Variants in NLGN1 observed in about 807,000 individuals in gnomAD.
NLGN1 encodes neuroligin 1, also known as neuroligin-1.
In NLGN1, 12 loss-of-function variants were observed where a neutral mutation model predicts 65.5. The ratio of observed to expected loss-of-function variants is 0.18; its 90% CI spans 0.12 to 0.30. The LOEUF is 0.30. Ranked by LOEUF, NLGN1 falls within the 10% of genes least tolerant of loss-of-function variation. The pLI is 1.00. For missense variants in NLGN1, 750 were observed against 1,007.1 expected (o/e 0.74, Z 3.46); for synonymous variants, 350 against 359.5 (o/e 0.97, Z 0.30).
chr3:173,740,542 C>T (rs1167014968), intron 3 of NLGN1, among the ~76,000 whole-genome samples: 4 of 151,978 alleles, frequency 2.6e-5, no homozygotes, highest in African/African-American at 9.7e-5. Flanking sequence ...TCCCATACCC[C>T]TGTTCCAAAG....
At chr3:173,570,096 G>C (rs1205874684) in intron 2 of NLGN1, among the ~76,000 whole-genome samples, 1 of 152,162 alleles carries the variant, frequency 6.6e-6, no homozygotes. Context: ...CTTGGGAGTG[G>C]GGGCCAGAAG....
At chr3:173,539,011 T>A (rs1336589034) in intron 2 of NLGN1, among the ~76,000 whole-genome samples, 1 of 151,962 alleles carries the variant, frequency 6.6e-6, no homozygotes, top group Non-Finnish European at 1.5e-5. Context: ...CCTGAGTTAG[T>A]ATATAATCAT....
At chr3:173,454,820 C>T (rs1342808062) in intron 2 of NLGN1, among the ~76,000 whole-genome samples, 2 of 152,100 alleles carry the variant, frequency 1.3e-5, no homozygotes, top group South Asian at 2.1e-4. Context: ...GCTTTTTTAT[C>T]ATTTGTGTGT....
In NLGN1 at chr3:173,451,678, C is replaced by T. The variant is rs1351660674; in HGVS notation, c.-321+16600C>T. The stretch of plus-strand genomic sequence containing the variant: ...CAGAGGTGGAGTCTGCAGAGGCAGG[C>T]AGGCCTCCTTGAGCTGTGGTGAGCT... On this transcript the variant is annotated intron_variant, in intron 2 of 6. Coordinates refer to ENST00000457714, the Ensembl canonical transcript of NLGN1. Among the ~76,000 whole-genome samples the T allele has an allele frequency of 5.3e-5, 8 of 152,310 alleles. No homozygotes were observed. The South Asian group carries it at 1.7e-3, about 32-fold the overall frequency.
intron 4 of NLGN1, among the ~76,000 whole-genome samples, chr3:173,977,103 A>ACACG (rs1553905398): frequency 6.9e-6 from 1 of 145,330 alleles, no homozygotes; most frequent in African/African-American, 2.5e-5. Context: ...ACACACACAC[A>ACACG]CACGCACACA....
intron 4 of NLGN1, among the ~76,000 whole-genome samples, chr3:174,262,523 G>A (rs1381254138): frequency 1.5e-5 from 2 of 131,586 alleles, no homozygotes; most frequent in Non-Finnish European, 3.2e-5. Context: ...TGTGGGATCG[G>A]TGGTGATATC....
intron 3 of NLGN1, among the ~76,000 whole-genome samples, chr3:173,720,729 A>C (rs543452195): frequency 6.6e-6 from 1 of 152,340 alleles, no homozygotes; most frequent in Non-Finnish European, 1.5e-5. Context: ...GCAGAAGTAA[A>C]TGAGAGTTTA....
intron 4 of NLGN1, among the ~76,000 whole-genome samples, chr3:174,035,764 T>C (rs1730994756): frequency 6.6e-6 from 1 of 152,142 alleles, no homozygotes. Context: ...TGATCCGCAA[T>C]TCCATTTCAT....
chr3:173,596,782 T>A (rs1164845994), intron 2 of NLGN1, among the ~76,000 whole-genome samples: 1 of 152,082 alleles, frequency 6.6e-6, no homozygotes, highest in East Asian at 1.9e-4. Context: ...CATCTCAGAG[T>A]AAACCCTTTT....
chr3:173,733,110 C>G (rs1019294493), intron 3 of NLGN1, among the ~76,000 whole-genome samples: 5 of 152,026 alleles, frequency 3.3e-5, no homozygotes, highest in Admixed American at 6.6e-5. Context: ...AGCAAAACAA[C>G]TTAAATCTGG....
chr3:173,416,228 C>G (rs1479488270), intron 1 of NLGN1, among the ~76,000 whole-genome samples: 1 of 152,164 alleles, frequency 6.6e-6, no homozygotes, highest in Non-Finnish European at 1.5e-5. Flanking sequence ...TTCCATTGCC[C>G]AGACTTCTAA....
chr3:173,496,631 A>G (rs1471364082), intron 2 of NLGN1, among the ~76,000 whole-genome samples: 1 of 151,818 alleles, frequency 6.6e-6, no homozygotes, highest in Non-Finnish European at 1.5e-5. Flanking sequence ...ATTGACAGAG[A>G]TGCTTTGGTT....
chr3:173,749,803 T>A (rs539263318), intron 3 of NLGN1, among the ~76,000 whole-genome samples: 12 of 152,278 alleles, frequency 7.9e-5, no homozygotes, highest in Middle Eastern at 3.4e-3. Flanking sequence ...GAAAGCAGAA[T>A]GAAGTGCTCT....
intron 4 of NLGN1, among the ~76,000 whole-genome samples, chr3:173,868,481 A>G (rs1730602293): frequency 6.6e-6 from 1 of 152,150 alleles, no homozygotes; most frequent in African/African-American, 2.4e-5. Flanking sequence ...TCTCAGAATA[A>G]AGTTACACTG....
intron 3 of NLGN1, among the ~76,000 whole-genome samples, chr3:173,746,197 G>T (rs7636584): frequency 6.6e-6 from 1 of 152,022 alleles, no homozygotes; most frequent in Admixed American, 6.6e-5. Context: ...GCAGGCTAAG[G>T]TGGGAGGAGC....
intron 4 of NLGN1, among the ~76,000 whole-genome samples, chr3:174,166,557 AT>A (rs1727536007): frequency 6.6e-6 from 1 of 151,970 alleles, no homozygotes. Flanking sequence ...GGTTGGTATG[AT>A]TTTGATTTCT....
intron 2 of NLGN1, among the ~76,000 whole-genome samples, chr3:173,491,360 T>A (rs1560330637): frequency 6.6e-6 from 1 of 151,696 alleles, no homozygotes; most frequent in East Asian, 1.9e-4. Flanking sequence ...AATCATGTGG[T>A]TTTTGTCATT....
intron 4 of NLGN1, among the ~76,000 whole-genome samples, chr3:173,898,077 A>G (rs759742978): frequency 1.4e-4 from 22 of 152,196 alleles, no homozygotes; most frequent in African/African-American, 4.1e-4. Flanking sequence ...ATTAGCTTTC[A>G]CTGACATTTA....
At chr3:173,609,030 A>C (rs1250305905) in intron 3 of NLGN1, among the ~76,000 whole-genome samples, 1 of 151,970 alleles carries the variant, frequency 6.6e-6, no homozygotes, top group Non-Finnish European at 1.5e-5. Flanking sequence ...AACTTGCTTA[A>C]GTTTCCCTCT....
Sources: gnomAD v4.1 joint callset for allele counts (sites outside exome capture counted in the v4.1 genomes callset) on GRCh38, gnomAD v4.1.1 for gene constraint, MANE v1.5 for transcripts, NCBI Gene and HGNC (gene_info 2026-07-23, HGNC 2026-07-21) for gene names.